ALK: variants seen among roughly 807,000 people sequenced by gnomAD.
The protein encoded by ALK is ALK tyrosine kinase receptor.
In ALK, 74 loss-of-function variants were observed where a neutral mutation model predicts 163.1. The ratio of observed to expected loss-of-function variants is 0.45; its 90% CI spans 0.38 to 0.55. The LOEUF is 0.55. Ranked by LOEUF, ALK falls within the 20% of genes least tolerant of loss-of-function variation. The pLI is 0.00. For synonymous variants in ALK, 960 were observed against 843.2 expected (o/e 1.14, Z -2.40); for missense variants, 2,063 against 2,105.3 (o/e 0.98, Z 0.39).
intron 4 of ALK, among the ~76,000 whole-genome samples, chr2:29,410,317 A>G (rs1190543861): frequency 6.6e-6 from 1 of 152,194 alleles, no homozygotes; most frequent in East Asian, 1.9e-4. Flanking sequence ...ACTCAAAAGA[A>G]TATAACCCTT....
chr2:29,497,609 G>C (rs7593902), intron 4 of ALK, among the ~76,000 whole-genome samples: 151,729 of 152,336 alleles, frequency 1, 75,567 homozygotes, highest in Non-Finnish European at 1. Context: ...ATTTGTAAAT[G>C]TCTGCAAAAC....
chr2:29,546,311 A>G (rs1353598361), intron 3 of ALK, among the ~76,000 whole-genome samples: 1 of 152,222 alleles, frequency 6.6e-6, no homozygotes, highest in African/African-American at 2.4e-5. Flanking sequence ...GTGTCAGCAA[A>G]AAAAGATAAT....
chr2:29,702,811 A>G (rs934170105), intron 2 of ALK, among the ~76,000 whole-genome samples: 1 of 152,230 alleles, frequency 6.6e-6, no homozygotes, highest in African/African-American at 2.4e-5. Context: ...GAGATTTACT[A>G]TCATGAGAAC....
intron 5 of ALK, among the ~76,000 whole-genome samples, chr2:29,329,801 G>T (rs1667385953): frequency 6.6e-6 from 1 of 152,180 alleles, no homozygotes; most frequent in South Asian, 2.1e-4. Flanking sequence ...TTTACTTCTG[G>T]AATTTCTCCA....
intron 3 of ALK, among the ~76,000 whole-genome samples, chr2:29,693,442 C>G (rs1419894929): frequency 1.3e-5 from 2 of 150,542 alleles, no homozygotes; most frequent in African/African-American, 2.5e-5. Context: ...CACACAGACA[C>G]ACACACACAC....
At chr2:29,437,110 G>C (rs879707581) in intron 4 of ALK, among the ~76,000 whole-genome samples, 1 of 152,162 alleles carries the variant, frequency 6.6e-6, no homozygotes, top group Admixed American at 6.5e-5. Flanking sequence ...GAAATCACTC[G>C]ATCCATTTTA....
intron 4 of ALK, among the ~76,000 whole-genome samples, chr2:29,489,040 A>G (rs1267780557): frequency 6.6e-6 from 1 of 152,242 alleles, no homozygotes; most frequent in Non-Finnish European, 1.5e-5. Flanking sequence ...GTCCACTTAA[A>G]TCAGAATTAG....
At chr2:29,701,463 C>A (rs574550598) in intron 2 of ALK, among the ~76,000 whole-genome samples, 1 of 152,254 alleles carries the variant, frequency 6.6e-6, no homozygotes, top group East Asian at 1.9e-4. Context: ...CTCAGGCCAC[C>A]GTGAGCTTTG....
chr2:29,252,738 A>T (rs1004648466), intron 11 of ALK, among the ~76,000 whole-genome samples: 4 of 151,614 alleles, frequency 2.6e-5, no homozygotes, highest in Admixed American at 2.6e-4. Context: ...GTTTATTTCT[A>T]TTTGGTTTCA....
chr2:29,411,627 GCTTCTGCTAAACC>G (rs1324333676), intron 4 of ALK, among the ~76,000 whole-genome samples: 1 of 152,146 alleles, frequency 6.6e-6, no homozygotes, highest in Admixed American at 6.5e-5. Flanking sequence ...GTCTGGAAAA[GCTTCTGCTAAACC>G]CTTCACTATG....
chr2:29,311,190 G>GAT (rs1553408218), intron 8 of ALK, among the ~76,000 whole-genome samples: 1 of 152,200 alleles, frequency 6.6e-6, no homozygotes, highest in African/African-American at 2.4e-5. Context: ...GGGTAGATGA[G>GAT]GGGCAACCAT....
chr2:29,919,905 T>A, intron 1 of ALK, 88 bp downstream of exon 1: 1 of 1,486,464 alleles, frequency 6.7e-7, no homozygotes. Flanking sequence ...TTTTAGAAAG[T>A]GGGGTGGAAG....
chr2:29,599,318 A>G (rs1255364554), intron 3 of ALK, among the ~76,000 whole-genome samples: 1 of 152,248 alleles, frequency 6.6e-6, no homozygotes, highest in Non-Finnish European at 1.5e-5. Context: ...TGAGCTCTTA[A>G]GTACTTTTTA....
At chr2:29,629,148 G>A (rs940902386) in intron 3 of ALK, among the ~76,000 whole-genome samples, 9 of 152,148 alleles carry the variant, frequency 5.9e-5, no homozygotes, top group African/African-American at 2.2e-4. Context: ...CACCGTTGGA[G>A]ACTCGCTTTC....
intron 1 of ALK, among the ~76,000 whole-genome samples, chr2:29,744,943 G>A (rs1680170106): frequency 1.3e-5 from 2 of 152,150 alleles, no homozygotes; most frequent in South Asian, 4.2e-4. Context: ...TCAAGGAGAA[G>A]GGAATTCGAC....
At position 29,894,120 on chromosome 2, in the gene ALK, T is replaced by C. The variant is rs76773998; in HGVS notation, c.667+25873A>G. Among the ~76,000 whole-genome samples the C allele has an allele frequency of 4.5e-4, 68 of 152,302 alleles. 2 individuals are homozygous for C. In the East Asian group the frequency reaches 0.012, roughly 28 times the overall value. ...GGTGTCAAGGACCCAAACCCTTTTCTTATAATAGAAAATGATCAAGAAACC... is the reference window on the plus strand; with the variant it reads ...GGTGTCAAGGACCCAAACCCTTTTCCTATAATAGAAAATGATCAAGAAACC... On this transcript the variant is annotated intron_variant, in intron 1 of 28. Coordinates refer to ENST00000389048, the MANE Select transcript of ALK (RefSeq NM_004304.5).
At chr2:29,909,734 T>G (rs1667649790) in intron 1 of ALK, among the ~76,000 whole-genome samples, 1 of 152,142 alleles carries the variant, frequency 6.6e-6, no homozygotes, top group African/African-American at 2.4e-5. Flanking sequence ...GAGACCTCAT[T>G]GAATACCTTT....
intron 4 of ALK, among the ~76,000 whole-genome samples, chr2:29,475,538 A>C (rs1256747464): frequency 6.6e-6 from 1 of 152,138 alleles, no homozygotes; most frequent in African/African-American, 2.4e-5. Context: ...GGCCCGCCGG[A>C]CGAGGCTGCA....
chr2:29,470,603 C>CT (rs1230397307), intron 4 of ALK, among the ~76,000 whole-genome samples: 1 of 152,044 alleles, frequency 6.6e-6, no homozygotes, highest in East Asian at 1.9e-4. Context: ...CAGAAAATGA[C>CT]TGCCAGCCAA....
Sources: gnomAD v4.1 joint callset for allele counts (sites outside exome capture counted in the v4.1 genomes callset) on GRCh38, gnomAD v4.1.1 for gene constraint, MANE v1.5 for transcripts, NCBI Gene and HGNC (gene_info 2026-07-23, HGNC 2026-07-21) for gene names.